UBA6: variants seen among roughly 807,000 people sequenced by gnomAD.
UBA6 encodes ubiquitin-like modifier-activating enzyme 6.
UBA6 carries 87 observed loss-of-function variants against 148.3 expected under a neutral mutation model. The ratio of observed to expected loss-of-function variants is 0.59; its 90% CI spans 0.49 to 0.70. The LOEUF is 0.70. UBA6 is among the 30% of genes least tolerant of loss of function. The pLI, the probability that UBA6 is intolerant of heterozygous loss-of-function variation, is 0.00. For synonymous variants in UBA6, 376 were observed against 401.0 expected (o/e 0.94, Z 0.75); for missense variants, 1,186 against 1,241.2 (o/e 0.96, Z 0.67).
intron 6 of UBA6, among the ~76,000 whole-genome samples, chr4:67,677,359 C>T (rs908937316): frequency 1.3e-5 from 2 of 152,114 alleles, no homozygotes; most frequent in Non-Finnish European, 2.9e-5. Flanking sequence ...TTGCTATAAA[C>T]CAGAGTTTTG....
chr4:67,651,227 C>T (rs1417936339), intron 13 of UBA6, among the ~76,000 whole-genome samples: 6 of 151,822 alleles, frequency 4.0e-5, no homozygotes, highest in Non-Finnish European at 7.4e-5. Context: ...CACTTGGCAA[C>T]GTAGGGGAAA....
intron 28 of UBA6, among the ~76,000 whole-genome samples, chr4:67,625,761 TA>T (rs1240541726): frequency 6.6e-6 from 1 of 151,946 alleles, no homozygotes; most frequent in East Asian, 1.9e-4. Flanking sequence ...CACTGATTTA[TA>T]AAACTAAAAG....
At chr4:67,672,118 C>G (rs1017208494) in intron 7 of UBA6, among the ~76,000 whole-genome samples, 3 of 152,202 alleles carry the variant, frequency 2.0e-5, no homozygotes, top group African/African-American at 7.2e-5. Flanking sequence ...AGTCTAGCTG[C>G]CTCTACTCTA....
At position 67,699,315 on chromosome 4, in the gene UBA6, C is replaced by T. The variant is rs1190245390; in HGVS notation, c.71+1734G>A. 2.0e-5 allele frequency among the ~76,000 whole-genome samples: 3 copies of T among 152,168 alleles called. No individual in the cohort carries two copies. The East Asian group carries it at 5.8e-4, about 29-fold the overall frequency. ...ACAATGCGATGGCATCAAATTCAGG[C>T]TTGGAATCCAACTTTCTAGTCCTAG... is the stretch of plus-strand genomic sequence containing the variant. On this transcript the variant is annotated intron_variant, in intron 1 of 32. Transcript: ENST00000322244.
Position 67,619,122 on chromosome 4 carries a change from G to A in UBA6, c.3034C>T (p.Leu1012Phe). Residue 1012 changes from leucine (L) to phenylalanine (F), a missense_variant, in exon 33 of 33, where the codon CTT (leucine) becomes TTT (phenylalanine). Coordinates refer to ENST00000322244, the MANE Select transcript of UBA6 (RefSeq NM_018227.6). ...AKRLKLTMHK[L>F]VKPTTEKKYV... ...TTCTTTTCAGTAGTAGGTTTTACAA[G>A]TTTATGCATTCTAAGAAAAATAAGC... is the stretch of plus-strand genomic sequence containing the variant. The A allele has an allele frequency of 6.3e-7, 1 of 1,598,024 alleles. No homozygotes were observed. Among genetic ancestry groups the A allele is most frequent in the South Asian group, 1.1e-5 (1 of 89,024 alleles).
At chr4:67,622,076 G>A (rs1728764765) in intron 32 of UBA6, among the ~76,000 whole-genome samples, 1 of 152,170 alleles carries the variant, frequency 6.6e-6, no homozygotes, top group South Asian at 2.1e-4. Flanking sequence ...ATTAGAGTGA[G>A]TATTCAAGGA....
chr4:67,668,507 T>C (rs1459287665), intron 9 of UBA6, 44 bp downstream of exon 9: 7 of 1,562,400 alleles, frequency 4.5e-6, no homozygotes, highest in African/African-American at 2.7e-5. Context: ...AACTATAAAT[T>C]TGCTGAATAA....
rs1728873988 is a variant in UBA6 at position 67,626,554 on chromosome 4, A to G, written c.2401-77T>C. The G allele has an allele frequency of 1.8e-5, 16 of 891,520 alleles. No individual in the cohort carries two copies. The South Asian group carries it at 2.4e-4, about 13-fold the overall frequency. 55.2% of individuals were successfully genotyped at this position (891,520 alleles called of 1,614,324 possible). On this transcript the variant is annotated intron_variant, in intron 27 of 32. Coordinates refer to ENST00000322244, the MANE Select transcript of UBA6 (RefSeq NM_018227.6). ...TTGGTTACCATTTAACTGTTTTATC[A>G]AATTACAAAGAGAAAATATTTTCTC...
intron 2 of UBA6, among the ~76,000 whole-genome samples, chr4:67,687,179 G>A (rs184187208): frequency 9.6e-4 from 145 of 151,296 alleles, no homozygotes; most frequent in African/African-American, 3.3e-3. Context: ...GGGATTACAG[G>A]TGCGTGCCAC....
At position 67,639,115 on chromosome 4, in the gene UBA6, T is replaced by C; in HGVS notation, c.1564A>G (p.Ser522Gly). ...AGAGTAGCATCAGCAGCAGTGTAGC[T>C]TTTAGGTTTCTAAACAAATAATATA... ...FRPHHIQKPK[S>G]YTAADATLKI... is the part of the protein sequence containing the mutation. The change falls in exon 19 of 33, where the codon AGC becomes GGC. Residue 522 changes from serine (S) to glycine (G), a missense_variant. Ser to Gly is a moderately conservative substitution (Grantham distance 56). Coordinates refer to ENST00000322244, the MANE Select transcript of UBA6 (RefSeq NM_018227.6). 6.2e-7 allele frequency: 1 copy of C among 1,609,610 alleles called. No individual in the cohort carries two copies. The highest frequency in any genetic ancestry group is 8.5e-7 in the Non-Finnish European group (1 of 1,178,798).
At position 67,624,011 on chromosome 4, in the gene UBA6, A is replaced by G. The variant is rs933961135; in HGVS notation, c.2840+115T>C. 1.0e-5 allele frequency: 9 copies of G among 889,170 alleles called. No individual in the cohort carries two copies. In the African/African-American group the frequency reaches 1.6e-4, roughly 15 times the overall value. 55.1% of individuals were successfully genotyped at this position (889,170 alleles called of 1,614,324 possible). A position where few individuals can be genotyped will look rare whatever the true frequency, so the allele number is the denominator to read the frequency against. ...AGCTGATCTTGAAGTGATGGCAAAA[A>G]TTTACACATACACAATAGAAGAAAA... On this transcript the variant is annotated intron_variant, in intron 30 of 32. Coordinates refer to ENST00000322244, the MANE Select transcript of UBA6 (RefSeq NM_018227.6).
Position 67,630,465 on chromosome 4 carries a change from C to T in UBA6, c.2328+1G>A. On this transcript the variant is annotated splice_donor_variant, in intron 26 of 32. Coordinates refer to ENST00000322244, the MANE Select transcript of UBA6 (RefSeq NM_018227.6). LOFTEE classifies it high-confidence loss of function. ...TTGCTAAGGCTTAAAGAATATCTTA[C>T]CTCTTCTGCAAATGGAATACAATAT... 6.3e-7 allele frequency: 1 copy of T among 1,581,958 alleles called. No homozygotes were observed. The highest frequency in any genetic ancestry group is 8.6e-7 in the Non-Finnish European group (1 of 1,162,256).
chr4:67,699,350 A>G (rs1198589327), intron 1 of UBA6, among the ~76,000 whole-genome samples: 1 of 152,252 alleles, frequency 6.6e-6, no homozygotes, highest in Admixed American at 6.5e-5. Context: ...GCATTGATAA[A>G]TAAGCCAAAG....
At chr4:67,696,458 T>TAC (rs10660788) in intron 2 of UBA6, among the ~76,000 whole-genome samples, 187 bp downstream of exon 2, 5 of 151,086 alleles carry the variant, frequency 3.3e-5, no homozygotes, top group Non-Finnish European at 5.9e-5. Flanking sequence ...CACATATATA[T>TAC]ACATATACAT....
chr4:67,648,412 G>C (rs138340698), intron 14 of UBA6, among the ~76,000 whole-genome samples: 72 of 148,468 alleles, frequency 4.8e-4, no homozygotes, highest in African/African-American at 1.7e-3. Context: ...AGGTTGCAGT[G>C]AGCTAACATC....
chr4:67,635,174 C>T (rs1729107021), intron 20 of UBA6, among the ~76,000 whole-genome samples: 1 of 151,930 alleles, frequency 6.6e-6, no homozygotes, highest in African/African-American at 2.4e-5. Flanking sequence ...ATAGTTTGTT[C>T]TTATCAAACA....
intron 26 of UBA6, 61 bp downstream of exon 26, chr4:67,630,405 A>G: frequency 9.8e-7 from 1 of 1,022,542 alleles, no homozygotes; most frequent in Middle Eastern, 2.0e-4. Flanking sequence ...CAATTAGTGC[A>G]TCAGTCATCT....
intron 15 of UBA6, 21 bp from the exon 16 acceptor site, chr4:67,646,037 C>A (rs776526400): frequency 4.9e-5 from 69 of 1,405,622 alleles, no homozygotes; most frequent in Non-Finnish European, 5.1e-5. Flanking sequence ...TAACATATAC[C>A]AAAAAGCAGA....
Position 67,665,224 on chromosome 4 carries a change from C to T in UBA6, c.862G>A (p.Ala288Thr), listed in dbSNP as rs1473682901. 15 of 1,606,394 alleles carry T rather than the reference C, an allele frequency of 9.3e-6. No individual in the cohort carries two copies. The highest frequency in any genetic ancestry group is 1.2e-5 in the Non-Finnish European group (14 of 1,177,706). The change falls in exon 10 of 33, where the codon GCT (alanine) becomes ACT (threonine). Residue 288 changes from alanine to threonine, a missense_variant. By Grantham distance (58) the Ala-to-Thr change is moderately conservative. Coordinates refer to ENST00000322244, the MANE Select transcript of UBA6 (RefSeq NM_018227.6). Reference sequence around the variant, plus strand: ...GTTTTAGGAGTCTTAACTTGGACAGCTATGCCTCCATGTAAATATGGTTCC... The same window carrying T: ...GTTTTAGGAGTCTTAACTTGGACAGTTATGCCTCCATGTAAATATGGTTCC... The part of the protein sequence containing the change: ...ELEPYLHGGI[A>T]VQVKTPKTVF...
Sources: gnomAD v4.1 joint callset for allele counts (sites outside exome capture counted in the v4.1 genomes callset) on GRCh38, gnomAD v4.1.1 for gene constraint, MANE v1.5 for transcripts, NCBI Gene and HGNC (gene_info 2026-07-23, HGNC 2026-07-21) for gene names.